ARHGAP19: variants seen among roughly 807,000 people sequenced by gnomAD.
The protein encoded by ARHGAP19 is Rho GTPase activating protein 19.
Under a neutral mutation model 60.9 loss-of-function variants are expected in ARHGAP19, and 48 were observed. The observed-to-expected ratio is 0.79, with a 90% confidence interval of 0.62 to 1.00. ARHGAP19 has a LOEUF of 1.00. ARHGAP19 is among the 50% of genes least tolerant of loss of function. ARHGAP19 has a pLI of 0.00. For missense variants in ARHGAP19, 562 were observed against 597.2 expected (o/e 0.94, Z 0.61); for synonymous variants, 209 against 215.5 (o/e 0.97, Z 0.27).
chr10:97,291,007 C>A (rs1281383697), intron 1 of ARHGAP19, among the ~76,000 whole-genome samples: 4 of 152,040 alleles, frequency 2.6e-5, no homozygotes, highest in African/African-American at 9.7e-5. Context: ...GGAATGTGAC[C>A]GCATCCACCT....
At chr10:97,265,592 A>G (rs2134889823) in intron 2 of ARHGAP19, 1 of 432,612 alleles carries the variant, frequency 2.3e-6, no homozygotes, top group South Asian at 3.6e-5. Context: ...ATAGGGCATG[A>G]AAATCAAGAT....
chr10:97,235,377 A>G, intron 8 of ARHGAP19, 62 bp from the exon 9 acceptor site: 4 of 1,387,700 alleles, frequency 2.9e-6, no homozygotes, highest in Non-Finnish European at 4.1e-6. Context: ...GCATTCTGTG[A>G]CAACTAATAG....
At chr10:97,269,978 G>A (rs184287705) in intron 1 of ARHGAP19, among the ~76,000 whole-genome samples, 15 of 152,168 alleles carry the variant, frequency 9.9e-5, no homozygotes, top group Admixed American at 7.9e-4. Context: ...AACATGTATC[G>A]TTTTTCAATA....
At chr10:97,264,739 G>C (rs897989314) in intron 3 of ARHGAP19, 87 bp downstream of exon 3, 4 of 889,638 alleles carry the variant, frequency 4.5e-6, no homozygotes. Context: ...TGGTTAATTG[G>C]CACCTACTAA....
rs190679767 is a variant in ARHGAP19, at chr10:97,223,923, T to A, written c.*2199A>T. 4 of 152,272 alleles carry A rather than the reference T, an allele frequency of 2.6e-5. No individual in the cohort carries two copies. Among genetic ancestry groups the A allele is most frequent in the Admixed American group, 2.6e-4 (4 of 15,288 alleles). The allele number at this position is 152,272 out of a possible 1,614,324, so 9.4% of individuals were successfully genotyped here. On this transcript the variant is annotated 3_prime_UTR_variant, in exon 12 of 12. Coordinates refer to ENST00000358531, the MANE Select transcript of ARHGAP19 (RefSeq NM_032900.6). ...AAAACCCCTAAAGCAAGGGAAAACA[T>A]ATTCAATAAATAAACAAAACACACA...
chr10:97,272,941 C>T (rs1299246162), intron 1 of ARHGAP19, among the ~76,000 whole-genome samples: 3 of 150,830 alleles, frequency 2.0e-5, no homozygotes, highest in Non-Finnish European at 3.0e-5. Flanking sequence ...CCTGGGTTCA[C>T]GCCATTCTCC....
At chr10:97,287,231 G>A (rs1041753849) in intron 1 of ARHGAP19, among the ~76,000 whole-genome samples, 4 of 152,054 alleles carry the variant, frequency 2.6e-5, no homozygotes, top group African/African-American at 4.8e-5. Flanking sequence ...GATTACAGGC[G>A]TGAGCCACCA....
chr10:97,249,358 G>GA (rs1394661050), intron 6 of ARHGAP19, among the ~76,000 whole-genome samples: 1 of 152,140 alleles, frequency 6.6e-6, no homozygotes, highest in Admixed American at 6.6e-5. Context: ...CATGAAGAGA[G>GA]AAAATCAAAC....
At chr10:97,254,752 C>T (rs1842731307) in intron 6 of ARHGAP19, among the ~76,000 whole-genome samples, 1 of 152,032 alleles carries the variant, frequency 6.6e-6, no homozygotes, top group South Asian at 2.1e-4. Flanking sequence ...AAAGGCAACC[C>T]ACAGAATAGG....
At chr10:97,253,967 A>AAC (rs1842723242) in intron 6 of ARHGAP19, among the ~76,000 whole-genome samples, 1 of 152,180 alleles carries the variant, frequency 6.6e-6, no homozygotes, top group African/African-American at 2.4e-5. Flanking sequence ...GATAAGAGGG[A>AAC]ACTACTGTAT....
At chr10:97,282,153 A>C (rs1414627357) in intron 1 of ARHGAP19, among the ~76,000 whole-genome samples, 1 of 152,176 alleles carries the variant, frequency 6.6e-6, no homozygotes, top group African/African-American at 2.4e-5. Context: ...TCCAAGCTTA[A>C]CCAACTGAAA....
intron 1 of ARHGAP19, among the ~76,000 whole-genome samples, chr10:97,266,494 T>C (rs1218387603): frequency 6.6e-6 from 1 of 152,188 alleles, no homozygotes; most frequent in Non-Finnish European, 1.5e-5. Context: ...CACTCTTACA[T>C]TACATTGGGC....
rs80243629 is a variant in ARHGAP19, at chr10:97,280,751, T to G, written c.56+11821A>C. Among the ~76,000 whole-genome samples the G allele has an allele frequency of 5.5e-3, 836 of 152,128 alleles. 6 individuals are homozygous for G. Among genetic ancestry groups the G allele is most frequent in the Non-Finnish European group, 9.0e-3 (612 of 68,006 alleles). On this transcript the variant is annotated intron_variant, in intron 1 of 11. Coordinates refer to ENST00000358531, the MANE Select transcript of ARHGAP19 (RefSeq NM_032900.6). ...GACTAAAGGTGTGTGCCACCACACC[T>G]GGCTAATTTTTTAATACAGCCCAGG...
chr10:97,243,864 G>A (rs1842524473), intron 8 of ARHGAP19, 104 bp downstream of exon 8: 4 of 1,207,836 alleles, frequency 3.3e-6, no homozygotes, highest in Non-Finnish European at 4.6e-6. Context: ...TGATTTCTCA[G>A]CTGAACCAAA....
At chr10:97,256,917 T>C (rs184064741) in intron 5 of ARHGAP19, among the ~76,000 whole-genome samples, 218 of 151,786 alleles carry the variant, frequency 1.4e-3, no homozygotes, top group East Asian at 0.01. Context: ...GTCAGGAGAT[T>C]GAGACCATCC....
intron 6 of ARHGAP19, among the ~76,000 whole-genome samples, chr10:97,255,927 T>C (rs1168781151): frequency 6.6e-6 from 1 of 152,206 alleles, no homozygotes; most frequent in Non-Finnish European, 1.5e-5. Flanking sequence ...TAGAAAATTA[T>C]GTCAGCAGAA....
At chr10:97,251,325 G>A (rs1284989236) in intron 6 of ARHGAP19, among the ~76,000 whole-genome samples, 5 of 50,510 alleles carry the variant, frequency 9.9e-5, no homozygotes, top group Admixed American at 3.8e-4. Context: ...GGGAAGGGAA[G>A]GGGAAAGGGA....
Position 97,259,817 on chromosome 10 carries a change from G to A in ARHGAP19, c.614-189C>T, listed in dbSNP as rs148676160. ...TGTCAATGCAATTCAACAATAAAAA[G>A]ATTAAAAAACCTGTTTTGTTTTGTT... On this transcript the variant is annotated intron_variant, in intron 4 of 11. Transcript: ENST00000358531. 3.0e-3 allele frequency among the ~76,000 whole-genome samples: 218 copies of A among 71,786 alleles called. 2 individuals carry two copies. Among genetic ancestry groups the A allele is most frequent in the African/African-American group, 8.6e-3 (210 of 24,470 alleles). 47.1% of individuals were successfully genotyped at this position (71,786 alleles called of 152,430 possible).
intron 4 of ARHGAP19, among the ~76,000 whole-genome samples, chr10:97,260,253 G>A (rs1321463836): frequency 1.3e-5 from 2 of 150,978 alleles, no homozygotes; most frequent in Non-Finnish European, 2.9e-5. Context: ...AAATCAGGCC[G>A]GGCACAGTGG....
Sources: allele counts gnomAD v4.1 joint callset (sites outside exome capture counted in the v4.1 genomes callset), GRCh38; gene constraint gnomAD v4.1.1; transcripts MANE v1.5; gene names NCBI Gene and HGNC (gene_info 2026-07-23, HGNC 2026-07-21).